GALNT13: variants seen among roughly 807,000 people sequenced by gnomAD.
GALNT13 encodes the protein polypeptide N-acetylgalactosaminyltransferase 13, also known as UDP-GalNAc:polypeptide N-acetylgalactosaminyltransferase 13.
Under a neutral mutation model 64.2 loss-of-function variants are expected in GALNT13, and 28 were observed. That is an observed-to-expected ratio of 0.44 (90% CI 0.32 to 0.60). The LOEUF is 0.60. Among genes scored for constraint, GALNT13 ranks in the 20% least tolerant of loss-of-function variants. GALNT13 has a pLI of 0.05. For synonymous variants in GALNT13, 214 were observed against 224.6 expected (o/e 0.95, Z 0.42); for missense variants, 577 against 669.8 (o/e 0.86, Z 1.53).
intron 3 of GALNT13, among the ~76,000 whole-genome samples, chr2:154,130,679 A>G (rs1375136998): frequency 6.6e-6 from 1 of 152,198 alleles, no homozygotes; most frequent in Admixed American, 6.5e-5. Context: ...AAAATGTTAC[A>G]TCCAGAAATT....
chr2:154,090,109 A>G (rs1519210), intron 3 of GALNT13, among the ~76,000 whole-genome samples: 46,766 of 152,010 alleles, frequency 0.31, 9,532 homozygotes, highest in East Asian at 0.83. Context: ...TGATGTGAGT[A>G]CATAATATCA....
chr2:154,413,220 T>G (rs991392436), intron 11 of GALNT13, among the ~76,000 whole-genome samples: 2 of 151,896 alleles, frequency 1.3e-5, no homozygotes, highest in Non-Finnish European at 2.9e-5. Flanking sequence ...GTTTCCAAAC[T>G]GAACTCATTT....
the GALNT13 span, among the ~76,000 whole-genome samples, chr2:153,698,494 G>A: frequency 6.6e-6 from 1 of 152,118 alleles, no homozygotes; most frequent in Admixed American, 6.5e-5. Flanking sequence ...AAAAGACAAA[G>A]AATGGCATCA....
At chr2:154,425,515 A>G (rs1048467965) in intron 11 of GALNT13, among the ~76,000 whole-genome samples, 2 of 152,240 alleles carry the variant, frequency 1.3e-5, no homozygotes, top group Admixed American at 6.5e-5. Flanking sequence ...CCATTGCTAA[A>G]GAAGAATATC....
intron 7 of GALNT13, among the ~76,000 whole-genome samples, chr2:154,257,202 T>C (rs1690426781): frequency 6.6e-6 from 1 of 152,154 alleles, no homozygotes. Context: ...TTCTTAATAG[T>C]ATAAATAGCC....
the GALNT13 span, among the ~76,000 whole-genome samples, chr2:153,629,557 C>T: frequency 3.7e-4 from 57 of 152,244 alleles, 1 homozygote; most frequent in South Asian, 0.011. Context: ...AGAAGAAAAC[C>T]TAGTCATTAC....
At chr2:154,037,319 T>C (rs1260822987) in intron 3 of GALNT13, among the ~76,000 whole-genome samples, 2 of 152,156 alleles carry the variant, frequency 1.3e-5, no homozygotes. Flanking sequence ...GGTAGTACAA[T>C]TGTTATAGCA....
chr2:154,116,247 G>C (rs189289458), intron 3 of GALNT13, among the ~76,000 whole-genome samples: 38 of 152,270 alleles, frequency 2.5e-4, no homozygotes, highest in Admixed American at 1.0e-3. Flanking sequence ...AGCTTCATCA[G>C]GGTCCTCCCA....
intron 3 of GALNT13, among the ~76,000 whole-genome samples, chr2:154,031,056 C>T (rs1158183197): frequency 6.6e-6 from 1 of 151,986 alleles, no homozygotes; most frequent in Non-Finnish European, 1.5e-5. Context: ...TAACTGACCA[C>T]TTATTAAAAA....
chr2:154,143,051 C>A (rs1168211377), intron 4 of GALNT13, among the ~76,000 whole-genome samples: 1 of 151,938 alleles, frequency 6.6e-6, no homozygotes, highest in Admixed American at 6.6e-5. Flanking sequence ...GCACTGGGGA[C>A]CAGTTTTGTG....
At chr2:153,247,765 T>C in the GALNT13 span, among the ~76,000 whole-genome samples, 1 of 152,034 alleles carries the variant, frequency 6.6e-6, no homozygotes, top group East Asian at 1.9e-4. Context: ...AAAAAATCAG[T>C]GAATCCAGGA....
chr2:153,345,636 T>TTTCC, the GALNT13 span, among the ~76,000 whole-genome samples: 1 of 22,804 alleles, frequency 4.4e-5, no homozygotes, highest in Non-Finnish European at 9.4e-5. Flanking sequence ...TTCCTTTCTT[T>TTTCC]TTCTTTCTTT....
chr2:153,979,215 T>C (rs576392511), intron 3 of GALNT13, among the ~76,000 whole-genome samples: 3 of 152,268 alleles, frequency 2.0e-5, no homozygotes, highest in South Asian at 4.1e-4. Flanking sequence ...TTATAATGAA[T>C]TACCCCAAAT....
intron 3 of GALNT13, among the ~76,000 whole-genome samples, chr2:154,009,874 C>T (rs867527051): frequency 5.9e-5 from 9 of 152,066 alleles, no homozygotes; most frequent in African/African-American, 2.2e-4. Context: ...AATCTTTCAC[C>T]TCCCTGGTTA....
the GALNT13 span, among the ~76,000 whole-genome samples, chr2:153,823,078 G>A: frequency 6.6e-6 from 1 of 152,010 alleles, no homozygotes; most frequent in African/African-American, 2.4e-5. Context: ...GGAAGTGAAA[G>A]TTCTGTACAA....
At chr2:153,905,206 TA>T (rs1485885493) in intron 2 of GALNT13, among the ~76,000 whole-genome samples, 1 of 151,976 alleles carries the variant, frequency 6.6e-6, no homozygotes, top group African/African-American at 2.4e-5. Context: ...GCATTCAATC[TA>T]TTGTTAAGTA....
the GALNT13 span, among the ~76,000 whole-genome samples, chr2:153,748,582 A>G: frequency 6.6e-6 from 1 of 152,116 alleles, no homozygotes; most frequent in African/African-American, 2.4e-5. Context: ...CTTTTGAGAA[A>G]TGTCTATTCA....
chr2:154,350,454 C>A (rs1203188245), intron 9 of GALNT13, among the ~76,000 whole-genome samples: 1 of 152,198 alleles, frequency 6.6e-6, no homozygotes, highest in East Asian at 1.9e-4. Context: ...CTTGGACTTA[C>A]ACCAGTGGTT....
chr2:153,552,689 A>AATTGTTTTCTAGAAC, the GALNT13 span, among the ~76,000 whole-genome samples: 1 of 151,234 alleles, frequency 6.6e-6, no homozygotes, highest in Non-Finnish European at 1.5e-5. Flanking sequence ...AATGGTATGA[A>AATTGTTTTCTAGAAC]ATTGTTTTCT....
Sources: gnomAD v4.1 joint callset for allele counts (sites outside exome capture counted in the v4.1 genomes callset) on GRCh38, gnomAD v4.1.1 for gene constraint, MANE v1.5 for transcripts, NCBI Gene and HGNC (gene_info 2026-07-23, HGNC 2026-07-21) for gene names.